The following NUF2 variants were observed in gnomAD, a reference collection of about 807,000 sequenced individuals.
The protein encoded by NUF2 is kinetochore protein Nuf2.
NUF2 carries 34 observed loss-of-function variants against 61.8 expected under a neutral mutation model. The observed-to-expected ratio is 0.55, with a 90% CI of 0.42 to 0.73. The LOEUF (loss-of-function observed/expected upper bound fraction) is 0.73. Ranked by LOEUF, NUF2 falls within the 30% of genes least tolerant of loss-of-function variation. The pLI is 0.00. For missense variants in NUF2, 445 were observed against 539.1 expected (o/e 0.83, Z 1.73); for synonymous variants, 172 against 181.6 (o/e 0.95, Z 0.42).
In NUF2 at chr1:163,355,415, G is replaced by T; in HGVS notation, c.1341G>T (p.Lys447Asn). The change falls in exon 14 of 14, where the codon AAG becomes AAT. Residue 447 changes from lysine to asparagine, a missense_variant. Coordinates refer to ENST00000271452, the MANE Select transcript of NUF2 (RefSeq NM_145697.3). The stretch of plus-strand genomic sequence containing the variant: ...AGGCAGCAGAGGACTCCTATGCTAA[G>T]ATAGATGAGAAGACAGCTGAACTGA... Reference protein sequence around the residue: ...IEKAAEDSYAKIDEKTAELKR... With the variant: ...IEKAAEDSYANIDEKTAELKR... The T allele has an allele frequency of 6.2e-7, 1 of 1,608,672 alleles. No homozygotes were observed. The highest frequency in any genetic ancestry group is 1.3e-5 in the African/African-American group (1 of 74,824).
At chr1:163,344,935 G>T (rs987347245) in intron 10 of NUF2, among the ~76,000 whole-genome samples, 3 of 152,040 alleles carry the variant, frequency 2.0e-5, no homozygotes, top group African/African-American at 7.2e-5. Flanking sequence ...AATAAATTTT[G>T]TATGTATTGA....
At chr1:163,326,206 T>C (rs1650412622) in intron 2 of NUF2, 32 bp downstream of exon 2, 2 of 1,604,360 alleles carry the variant, frequency 1.2e-6, no homozygotes, top group Non-Finnish European at 1.7e-6. Flanking sequence ...ATGTGGATAA[T>C]GGTATTTAGG....
chr1:163,335,222 G>A (rs1392046274), intron 5 of NUF2, among the ~76,000 whole-genome samples: 1 of 152,144 alleles, frequency 6.6e-6, no homozygotes, highest in African/African-American at 2.4e-5. Flanking sequence ...AAAGTGCTAG[G>A]ATTACAGGTG....
intron 10 of NUF2, among the ~76,000 whole-genome samples, chr1:163,344,149 T>C (rs1651041004): frequency 6.6e-6 from 1 of 152,114 alleles, no homozygotes; most frequent in Non-Finnish European, 1.5e-5. Context: ...AATTACTTTA[T>C]TACAAGGGAG....
intron 9 of NUF2, among the ~76,000 whole-genome samples, chr1:163,341,270 C>T (rs1445548841): frequency 2.0e-5 from 3 of 151,810 alleles, no homozygotes; most frequent in South Asian, 2.1e-4. Flanking sequence ...AGTGCAGTGG[C>T]GCGATCTTGG....
chr1:163,326,950 C>T (rs10917727), intron 2 of NUF2, among the ~76,000 whole-genome samples: 63,242 of 151,952 alleles, frequency 0.42, 13,539 homozygotes, highest in South Asian at 0.59. Context: ...ATTCACAGGT[C>T]AGCATTTAGG....
intron 11 of NUF2, among the ~76,000 whole-genome samples, chr1:163,346,630 G>A (rs1221637932): frequency 2.0e-5 from 3 of 152,190 alleles, no homozygotes; most frequent in African/African-American, 7.2e-5. Flanking sequence ...TGAGGCGGGA[G>A]GACCATTGAG....
intron 10 of NUF2, among the ~76,000 whole-genome samples, chr1:163,344,607 G>A (rs1315177360): frequency 1.2e-5 from 1 of 85,552 alleles, no homozygotes; most frequent in African/African-American, 3.9e-5. Flanking sequence ...ATGGGTTACT[G>A]TGGGAGATGG....
At chr1:163,339,505 T>G in intron 8 of NUF2, 28 bp downstream of exon 8, 1 of 1,421,994 alleles carries the variant, frequency 7.0e-7, no homozygotes, top group Non-Finnish European at 9.9e-7. Flanking sequence ...CCTTAAACTT[T>G]AAAAAACAAA....
intron 11 of NUF2, among the ~76,000 whole-genome samples, chr1:163,346,528 A>C (rs1400938651): frequency 6.6e-6 from 1 of 152,176 alleles, no homozygotes; most frequent in Non-Finnish European, 1.5e-5. Flanking sequence ...TGGTGTATAC[A>C]GCATGAATCT....
rs989572483 is a variant in NUF2 at position 163,333,558 on chromosome 1, T to C, written c.338-3193T>C. On this transcript the variant is annotated intron_variant, in intron 5 of 13. Transcript: ENST00000271452. ...TATAATACTATATATGAAAAAGATA[T>C]TCTACCTTGTCTGTTATTGGCTTAT... 3.9e-5 allele frequency among the ~76,000 whole-genome samples: 6 copies of C among 152,060 alleles called. No individual in the cohort carries two copies. The East Asian group carries it at 1.2e-3, about 29-fold the overall frequency.
intron 11 of NUF2, among the ~76,000 whole-genome samples, chr1:163,347,202 T>C (rs1409405267): frequency 6.6e-6 from 1 of 152,260 alleles, no homozygotes; most frequent in Admixed American, 6.5e-5. Context: ...GGGCGGTTTC[T>C]CAGGCTACAA....
At chr1:163,341,794 A>AT (rs1204671955) in intron 9 of NUF2, among the ~76,000 whole-genome samples, 3 of 151,506 alleles carry the variant, frequency 2.0e-5, no homozygotes, top group Admixed American at 1.3e-4. Context: ...CTCCCGGCTA[A>AT]TTTTTTTGTA....
In NUF2 at chr1:163,326,164, C is replaced by G. The variant is rs766669864; in HGVS notation, c.113C>G (p.Pro38Arg). The stretch of plus-strand genomic sequence containing the variant: ...AACCTCACCAAGAATGATCTTTATC[C>G]AAATCCAAAGGTAAAAGGTGGTTAC... ...GKNLTKNDLY[P>R]NPKPEVLHMI... Residue 38 changes from proline to arginine, a missense_variant, in exon 2 of 14, where the codon CCA (proline) becomes CGA (arginine). Coordinates refer to ENST00000271452, the MANE Select transcript of NUF2 (RefSeq NM_145697.3). 6.2e-7 allele frequency: 1 copy of G among 1,612,400 alleles called. No individual in the cohort carries two copies. The highest frequency in any genetic ancestry group is 2.2e-5 in the East Asian group (1 of 44,724).
intron 9 of NUF2, among the ~76,000 whole-genome samples, chr1:163,341,621 T>A (rs909951043): frequency 6.6e-5 from 10 of 152,010 alleles, no homozygotes; most frequent in South Asian, 2.1e-4. Context: ...TGTTTATTTA[T>A]TTTATTTATT....
intron 9 of NUF2, among the ~76,000 whole-genome samples, chr1:163,341,116 C>A (rs1210815729): frequency 2.0e-5 from 3 of 152,160 alleles, no homozygotes; most frequent in African/African-American, 7.2e-5. Context: ...CTGTCCCTTT[C>A]CCTATACCCT....
chr1:163,353,727 G>A (rs1651401775), intron 13 of NUF2, among the ~76,000 whole-genome samples: 1 of 152,168 alleles, frequency 6.6e-6, no homozygotes, highest in Non-Finnish European at 1.5e-5. Flanking sequence ...CATAGTATTT[G>A]TCAGGGATAC....
intron 3 of NUF2, 78 bp from the exon 4 acceptor site, chr1:163,328,150 A>G: frequency 1.2e-6 from 1 of 866,846 alleles, no homozygotes; most frequent in Non-Finnish European, 1.9e-6. Flanking sequence ...GAGTTAATAT[A>G]TTTTGATCTT....
chr1:163,339,710 G>A (rs1355332708), intron 8 of NUF2, among the ~76,000 whole-genome samples: 2 of 151,892 alleles, frequency 1.3e-5, no homozygotes, highest in Non-Finnish European at 2.9e-5. Context: ...AATTTTTTAG[G>A]GTTTTCCTAG....
Sources: gnomAD v4.1 joint callset for allele counts (sites outside exome capture counted in the v4.1 genomes callset) on GRCh38, gnomAD v4.1.1 for gene constraint, MANE v1.5 for transcripts, NCBI Gene and HGNC (gene_info 2026-07-23, HGNC 2026-07-21) for gene names.